The following ROCK1 variants were observed in gnomAD, a reference collection of about 807,000 sequenced individuals.
ROCK1 encodes Rho associated coiled-coil containing protein kinase 1.
Under a neutral mutation model 196.8 loss-of-function variants are expected in ROCK1, and 36 were observed. That is an observed-to-expected ratio of 0.18 (90% CI 0.14 to 0.24). ROCK1 has a LOEUF of 0.24. Among genes scored for constraint, ROCK1 ranks in the 10% least tolerant of loss-of-function variants. The pLI is 1.00. For synonymous variants in ROCK1, 443 were observed against 515.9 expected (o/e 0.86, Z 1.91); for missense variants, 920 against 1,562.0 (o/e 0.59, Z 6.93).
Position 21,110,940 on chromosome 18 carries a change from C to T in ROCK1, c.-30G>A. ...CTGCTGCTGTGACAATGCCCTCTTA[C>T]CAGCACCAGCAGCGGAAAGCAATTT... On this transcript the variant is annotated 5_prime_UTR_variant, in exon 1 of 33. Coordinates refer to ENST00000399799, the MANE Select transcript of ROCK1 (RefSeq NM_005406.3). The T allele has an allele frequency of 6.4e-7, 1 of 1,560,054 alleles. No individual in the cohort carries two copies. The highest frequency in any genetic ancestry group is 8.8e-7 in the Non-Finnish European group (1 of 1,131,744).
chr18:20,981,077 G>A (rs995234690), intron 21 of ROCK1, among the ~76,000 whole-genome samples: 5 of 151,832 alleles, frequency 3.3e-5, no homozygotes, highest in Admixed American at 3.3e-4. Context: ...GATGTACTGG[G>A]TAGTTGAGAG....
intron 2 of ROCK1, among the ~76,000 whole-genome samples, chr18:21,052,301 T>C (rs999951180): frequency 6.6e-6 from 1 of 152,216 alleles, no homozygotes; most frequent in Admixed American, 6.5e-5. Context: ...CTAGAACTAA[T>C]AAAGAACTTA....
At chr18:20,980,729 A>C (rs966565571) in intron 21 of ROCK1, among the ~76,000 whole-genome samples, 1 of 151,930 alleles carries the variant, frequency 6.6e-6, no homozygotes, top group Non-Finnish European at 1.5e-5. Context: ...ATCCTGGCTA[A>C]CACAGTGAAA....
chr18:21,017,480 G>A lies in ROCK1; in HGVS notation c.1362-2001C>T, dbSNP rs181774177. ...GCTGGGATTACAGGCATGAGCCACC[G>A]CACCTGGCCTACCACACTTCTTGAT... On this transcript the variant is annotated intron_variant, in intron 12 of 32. Coordinates refer to ENST00000399799, the MANE Select transcript of ROCK1 (RefSeq NM_005406.3). Among the ~76,000 whole-genome samples the A allele has an allele frequency of 1.4e-3, 210 of 151,578 alleles. 2 individuals carry two copies. Among genetic ancestry groups the A allele is most frequent in the Admixed American group, 4.9e-3 (75 of 15,224 alleles).
chr18:21,022,036 T>C (rs545654730), intron 11 of ROCK1, among the ~76,000 whole-genome samples: 2 of 151,444 alleles, frequency 1.3e-5, no homozygotes, highest in South Asian at 4.1e-4. Flanking sequence ...TGTTCTCTTA[T>C]ATTTAAGAGT....
At chr18:21,090,790 A>AGTGAT (rs1457966710) in intron 1 of ROCK1, among the ~76,000 whole-genome samples, 1 of 152,238 alleles carries the variant, frequency 6.6e-6, no homozygotes, top group African/African-American at 2.4e-5. Flanking sequence ...TCTAAGAACC[A>AGTGAT]GTGATACAAC....
intron 1 of ROCK1, 80 bp from the exon 2 acceptor site, chr18:21,070,693 G>A (rs964181498): frequency 1.2e-5 from 10 of 829,912 alleles, no homozygotes; most frequent in South Asian, 2.2e-5. Flanking sequence ...TAAAATATAC[G>A]CTTTAATATT....
At chr18:21,102,757 T>C (rs1253430155) in intron 1 of ROCK1, among the ~76,000 whole-genome samples, 1 of 151,870 alleles carries the variant, frequency 6.6e-6, no homozygotes, top group Non-Finnish European at 1.5e-5. Context: ...TCCCAGTTAC[T>C]CAAGAGGCTG....
intron 1 of ROCK1, among the ~76,000 whole-genome samples, chr18:21,092,657 A>C: frequency 6.6e-6 from 1 of 151,680 alleles, no homozygotes; most frequent in Non-Finnish European, 1.5e-5. Flanking sequence ...CTCTTCATAT[A>C]GCCTGGCATT....
At chr18:20,968,724 T>C in intron 25 of ROCK1, 48 bp downstream of exon 25, 1 of 1,105,414 alleles carries the variant, frequency 9.0e-7, no homozygotes, top group South Asian at 1.3e-5. Flanking sequence ...TAAAGAGCAA[T>C]GATTAACTCA....
At chr18:20,962,090 T>C (rs2035333157) in intron 27 of ROCK1, among the ~76,000 whole-genome samples, 1 of 152,186 alleles carries the variant, frequency 6.6e-6, no homozygotes, top group South Asian at 2.1e-4. Flanking sequence ...TTGATTATTT[T>C]GTAATTCTGC....
At chr18:21,008,474 T>C (rs2035787514) in intron 13 of ROCK1, among the ~76,000 whole-genome samples, 1 of 152,222 alleles carries the variant, frequency 6.6e-6, no homozygotes, top group African/African-American at 2.4e-5. Context: ...GCTTTTGCCA[T>C]GTTGGCCAGG....
chr18:21,026,103 T>G (rs1466196106), intron 10 of ROCK1, among the ~76,000 whole-genome samples: 2 of 152,064 alleles, frequency 1.3e-5, no homozygotes, highest in African/African-American at 2.4e-5. Flanking sequence ...ACAACTTGAG[T>G]GTTTCAGAAA....
intron 16 of ROCK1, among the ~76,000 whole-genome samples, chr18:20,999,521 T>A (rs2035703978): frequency 6.6e-6 from 1 of 151,540 alleles, no homozygotes; most frequent in Non-Finnish European, 1.5e-5. Flanking sequence ...CAATGAACAA[T>A]CCAAAAAGAA....
intron 16 of ROCK1, among the ~76,000 whole-genome samples, chr18:20,993,808 C>T (rs891031537): frequency 3.3e-5 from 5 of 152,108 alleles, no homozygotes; most frequent in African/African-American, 9.7e-5. Context: ...TTAATAAACA[C>T]ACAAATTTAA....
chr18:20,968,570 T>C (rs781465259), intron 25 of ROCK1: 1 of 495,558 alleles, frequency 2.0e-6, no homozygotes, highest in South Asian at 2.9e-5. Flanking sequence ...CCTCCTAAAG[T>C]GTTGGGATTA....
intron 21 of ROCK1, among the ~76,000 whole-genome samples, chr18:20,980,253 A>G (rs1029799223): frequency 1.3e-5 from 2 of 152,220 alleles, no homozygotes; most frequent in African/African-American, 4.8e-5. Context: ...AAAAAAACAA[A>G]AAACAAAACT....
At chr18:21,044,869 C>T (rs2036141448) in intron 5 of ROCK1, among the ~76,000 whole-genome samples, 1 of 151,670 alleles carries the variant, frequency 6.6e-6, no homozygotes, top group South Asian at 2.1e-4. Context: ...TTCTTTTTTT[C>T]CCCCCTTCCT....
rs996361825 is a variant in ROCK1, at chr18:20,968,922, T to C, written c.2915-62A>G. On this transcript the variant is annotated intron_variant, in intron 24 of 32. Transcript: ENST00000399799. The stretch of plus-strand genomic sequence containing the variant: ...TTAATTTAATTTCTGCATTTCAAAC[T>C]AACAATGTCTTTAATTATTCAAATA... 4 of 1,112,358 alleles carry C rather than the reference T, an allele frequency of 3.6e-6. No homozygotes were observed. The African/African-American group carries it at 4.7e-5, about 13-fold the overall frequency. The allele number at this position is 1,112,358 out of a possible 1,614,324, so 68.9% of individuals were successfully genotyped here.
Sources: allele counts gnomAD v4.1 joint callset (sites outside exome capture counted in the v4.1 genomes callset), GRCh38; gene constraint gnomAD v4.1.1; transcripts MANE v1.5; gene names NCBI Gene and HGNC (gene_info 2026-07-23, HGNC 2026-07-21).